NTRK3: variants seen among roughly 807,000 people sequenced by gnomAD.
NTRK3 encodes neurotrophic receptor tyrosine kinase 3, also known as NT-3 growth factor receptor.
A neutral mutation model predicts 91.7 loss-of-function variants in NTRK3; 24 were observed. That is an observed-to-expected ratio of 0.26 (90% CI 0.19 to 0.37). The LOEUF is 0.37. Ranked by LOEUF, NTRK3 falls within the 10% of genes least tolerant of loss-of-function variation. NTRK3 has a pLI of 1.00. For synonymous variants in NTRK3, 483 were observed against 404.0 expected (o/e 1.20, Z -2.34); for missense variants, 880 against 1,068.9 (o/e 0.82, Z 2.46).
intron 3 of NTRK3, among the ~76,000 whole-genome samples, chr15:88,199,354 A>T (rs1369281270): frequency 2.0e-5 from 3 of 151,688 alleles, no homozygotes; most frequent in Non-Finnish European, 2.9e-5. Flanking sequence ...CCTCCACAAG[A>T]CTCCATGATC....
intron 14 of NTRK3, among the ~76,000 whole-genome samples, chr15:87,970,736 G>A (rs2073188258): frequency 2.6e-5 from 4 of 152,136 alleles, no homozygotes; most frequent in African/African-American, 9.7e-5. Context: ...ATGAGACTAA[G>A]GAGAAACATT....
chr15:88,036,605 G>A (rs557614044), intron 13 of NTRK3, among the ~76,000 whole-genome samples: 18 of 152,288 alleles, frequency 1.2e-4, no homozygotes, highest in African/African-American at 2.9e-4. Flanking sequence ...GTCTCAAGCC[G>A]CAGGGCTGCG....
chr15:87,902,738 A>G (rs2066526458), intron 17 of NTRK3, among the ~76,000 whole-genome samples: 1 of 152,176 alleles, frequency 6.6e-6, no homozygotes. Flanking sequence ...ATCCTGAGAA[A>G]ACACTAGAAA....
rs141897305 is a variant in NTRK3 at position 88,049,343 on chromosome 15, G to A, written c.1397-16298C>T. ...ACCCTGTGAGGTTACAGCTATTTAA[G>A]CAGGTTTGCTTTATTATTTTTTAAT... On this transcript the variant is annotated intron_variant, in intron 13 of 18. Transcript: ENST00000394480. Among the ~76,000 whole-genome samples, 585 of 152,284 alleles carry A rather than the reference G, an allele frequency of 3.8e-3. 8 individuals carry two copies. The highest frequency in any genetic ancestry group is 0.011 in the East Asian group (55 of 5,196).
At chr15:88,071,295 C>A (rs1197306010) in intron 13 of NTRK3, among the ~76,000 whole-genome samples, 1 of 152,228 alleles carries the variant, frequency 6.6e-6, no homozygotes, top group Non-Finnish European at 1.5e-5. Context: ...GGCTGGGAGG[C>A]CTCTCTTCAC....
At position 88,070,281 on chromosome 15, in the gene NTRK3, C is replaced by T. The variant is rs1343158448; in HGVS notation, c.1397-37236G>A. On this transcript the variant is annotated intron_variant, in intron 13 of 18. Transcript: ENST00000394480. ...GGCAGTTTCCTTAGAGTTACCTCTG[C>T]CAGGTCTACCAGAGACAGCAAGAGC... Among the ~76,000 whole-genome samples the T allele has an allele frequency of 3.9e-5, 6 of 152,162 alleles. No homozygotes were observed. The East Asian group carries it at 1.2e-3, about 30-fold the overall frequency.
At chr15:88,192,538 C>T (rs2047494437) in intron 3 of NTRK3, among the ~76,000 whole-genome samples, 1 of 152,148 alleles carries the variant, frequency 6.6e-6, no homozygotes, top group Non-Finnish European at 1.5e-5. Flanking sequence ...TACATTATTG[C>T]AACCACTCTC....
At chr15:88,075,200 C>T (rs146101585) in intron 13 of NTRK3, among the ~76,000 whole-genome samples, 25 of 152,328 alleles carry the variant, frequency 1.6e-4, no homozygotes, top group African/African-American at 5.3e-4. Flanking sequence ...ATGAACTTGA[C>T]CACCCTGGCT....
intron 3 of NTRK3, 137 bp from the exon 4 acceptor site, chr15:88,184,436 T>C: frequency 3.6e-6 from 3 of 836,406 alleles, no homozygotes; most frequent in Non-Finnish European, 6.0e-6. Context: ...CAAATAAATC[T>C]GAGCCTCAGT....
intron 13 of NTRK3, among the ~76,000 whole-genome samples, chr15:88,112,584 T>C (rs893103918): frequency 6.6e-6 from 1 of 152,178 alleles, no homozygotes; most frequent in African/African-American, 2.4e-5. Context: ...GGCACTAACC[T>C]ATCTCCATGG....
At chr15:87,922,084 AACCCTGTG>A (rs2141847156) in intron 17 of NTRK3, among the ~76,000 whole-genome samples, 1 of 152,314 alleles carries the variant, frequency 6.6e-6, no homozygotes, top group South Asian at 2.1e-4. Flanking sequence ...AGCATGGTGG[AACCCTGTG>A]ATCCTAAAAG....
intron 13 of NTRK3, among the ~76,000 whole-genome samples, chr15:88,052,019 CCATGGA>C (rs1387348587): frequency 9.2e-5 from 14 of 152,186 alleles, no homozygotes; most frequent in African/African-American, 2.9e-4. Context: ...TTCTTGGTTA[CCATGGA>C]CTTTAGCCTG....
chr15:87,909,838 C>T (rs1453625586), intron 17 of NTRK3, among the ~76,000 whole-genome samples: 2 of 152,164 alleles, frequency 1.3e-5, no homozygotes, highest in Non-Finnish European at 2.9e-5. Context: ...ACACAGTGAG[C>T]AGGCAGCCAT....
exon 17 of NTRK3, chr15:87,929,323 C>T (rs2068590680): frequency 1.2e-6 from 2 of 1,614,178 alleles, no homozygotes; most frequent in South Asian, 2.2e-5. Flanking sequence ...CCAGGTACAC[C>T]ATACCCGAGG....
In NTRK3 at chr15:88,147,340, C is replaced by T. The variant is rs751103968; in HGVS notation, c.459G>A (p.Arg153=). 3 of 1,613,616 alleles carry T rather than the reference C, an allele frequency of 1.9e-6. No individual in the cohort carries two copies. The South Asian group carries it at 3.3e-5, about 18-fold the overall frequency. The change falls in exon 6 of 19, where the codon CGG becomes CGA. Residue 153 remains arginine (R), a synonymous_variant. Transcript: ENST00000394480. ...GTCTTCAAAACCAAACTTACAATTC[C>T]CGAAGACTCAGCGTCTGGAAGAGCT... is the stretch of plus-strand genomic sequence containing the variant.
At chr15:87,961,485 A>C (rs566645166) in intron 14 of NTRK3, among the ~76,000 whole-genome samples, 1 of 152,386 alleles carries the variant, frequency 6.6e-6, no homozygotes, top group East Asian at 1.9e-4. Flanking sequence ...TTCTTAAATG[A>C]ACAAATATTT....
intron 17 of NTRK3, chr15:87,927,382 GCC>G (rs2068409744): frequency 1.3e-5 from 2 of 152,106 alleles, no homozygotes; most frequent in Admixed American, 1.3e-4. Flanking sequence ...TCTCATTTAG[GCC>G]ATCAGGAACA....
At chr15:88,131,658 C>A (rs2041362379) in intron 10 of NTRK3, among the ~76,000 whole-genome samples, 1 of 152,204 alleles carries the variant, frequency 6.6e-6, no homozygotes, top group African/African-American at 2.4e-5. Context: ...ATAAGGCTCC[C>A]ATTTATTAGA....
chr15:87,876,251 G>C, exon 19 of NTRK3: 1 of 232,720 alleles, frequency 4.3e-6, no homozygotes, highest in Non-Finnish European at 8.5e-6. Flanking sequence ...TTACCCGTAG[G>C]TGCCATCATT....
Sources: allele counts gnomAD v4.1 joint callset (sites outside exome capture counted in the v4.1 genomes callset), GRCh38; gene constraint gnomAD v4.1.1; transcripts MANE v1.5; gene names NCBI Gene and HGNC (gene_info 2026-07-23, HGNC 2026-07-21).